Variants in ZMYM2 observed in about 807,000 individuals in gnomAD.
ZMYM2 encodes zinc finger MYM-type protein 2.
A neutral mutation model predicts 162.8 loss-of-function variants in ZMYM2; 56 were observed. The observed-to-expected ratio is 0.34, with a 90% CI of 0.28 to 0.43. ZMYM2 has a LOEUF of 0.43. ZMYM2 is among the 20% of genes least tolerant of loss of function. The pLI is 1.00. For synonymous variants in ZMYM2, 510 were observed against 541.6 expected (o/e 0.94, Z 0.81); for missense variants, 1,275 against 1,621.8 (o/e 0.79, Z 3.67).
At chr13:20,027,506 A>T (rs1224266443) in intron 9 of ZMYM2, among the ~76,000 whole-genome samples, 188 bp downstream of exon 9, 1 of 152,178 alleles carries the variant, frequency 6.6e-6, no homozygotes, top group Non-Finnish European at 1.5e-5. Context: ...GGATAGTCTA[A>T]TTGAGATTAT....
intron 6 of ZMYM2, among the ~76,000 whole-genome samples, chr13:20,010,429 C>G (rs1489946179): frequency 1.3e-5 from 2 of 152,086 alleles, no homozygotes; most frequent in Non-Finnish European, 2.9e-5. Context: ...TCTCGAACTC[C>G]TAAGCTCAAG....
intron 21 of ZMYM2, chr13:20,070,222 C>A: frequency 6.3e-6 from 1 of 158,414 alleles, no homozygotes. Context: ...TTATTGCTTC[C>A]ATTTGCTGCT....
chr13:19,972,471 T>G (rs1391535645), intron 2 of ZMYM2, among the ~76,000 whole-genome samples: 1 of 152,192 alleles, frequency 6.6e-6, no homozygotes. Context: ...TTGCAATTTT[T>G]TTTTTCACTT....
intron 8 of ZMYM2, 43 bp from the exon 9 acceptor site, chr13:20,027,160 A>G (rs1353687104): frequency 7.0e-7 from 1 of 1,424,006 alleles, no homozygotes; most frequent in East Asian, 2.6e-5. Context: ...AAACTTTTTT[A>G]TTACTTTATA....
At chr13:19,953,262 C>T in the ZMYM2 span, among the ~76,000 whole-genome samples, 17 of 152,204 alleles carry the variant, frequency 1.1e-4, no homozygotes, top group Non-Finnish European at 2.1e-4. Flanking sequence ...AACTTCACCT[C>T]TGCATACTTT....
At chr13:20,066,031 ACAGAATTTAAT>A (rs1056722359) in intron 19 of ZMYM2, among the ~76,000 whole-genome samples, 1 of 152,224 alleles carries the variant, frequency 6.6e-6, no homozygotes, top group African/African-American at 2.4e-5. Context: ...GACTCTCACC[ACAGAATTTAAT>A]ATGATTTTGT....
rs868581944 is a variant in ZMYM2 at position 20,014,802 on chromosome 13, A to G, written c.1513-4745A>G. 1.6e-3 allele frequency among the ~76,000 whole-genome samples: 180 copies of G among 111,064 alleles called. 1 individual carries two copies. The highest frequency in any genetic ancestry group is 9.1e-3 in the Middle Eastern group (1 of 110). 72.9% of individuals were successfully genotyped at this position (111,064 alleles called of 152,430 possible). ...TTTTTTGGGGACAAAGTCTCACTCT[A>G]TTGCCCAGGCTGGAACGCAGTGGCA... On this transcript the variant is annotated intron_variant, in intron 6 of 24. Transcript: ENST00000610343.
chr13:19,984,610 A>G (rs1003651897), intron 2 of ZMYM2, among the ~76,000 whole-genome samples: 6 of 152,332 alleles, frequency 3.9e-5, no homozygotes, highest in African/African-American at 1.2e-4. Flanking sequence ...TGGCGGCTAC[A>G]TGGAGTAGAT....
chr13:20,033,417 A>G (rs1197959401), intron 10 of ZMYM2, among the ~76,000 whole-genome samples: 1 of 151,968 alleles, frequency 6.6e-6, no homozygotes, highest in African/African-American at 2.4e-5. Context: ...CTTTCTCCTC[A>G]CTCCATGTGG....
At chr13:19,888,034 C>T in the ZMYM2 span, among the ~76,000 whole-genome samples, 10 of 151,488 alleles carry the variant, frequency 6.6e-5, no homozygotes, top group Admixed American at 4.6e-4. Context: ...GGTGTGCCAC[C>T]GTGCTTGGCT....
At chr13:20,083,193 G>T (rs1309384255) in intron 23 of ZMYM2, among the ~76,000 whole-genome samples, 161 bp downstream of exon 23, 1 of 152,142 alleles carries the variant, frequency 6.6e-6, no homozygotes, top group Non-Finnish European at 1.5e-5. Context: ...CTCCTGAGTG[G>T]CTGGGATTAC....
the ZMYM2 span, among the ~76,000 whole-genome samples, chr13:19,910,957 T>C: frequency 6.6e-6 from 1 of 151,740 alleles, no homozygotes; most frequent in Non-Finnish European, 1.5e-5. Flanking sequence ...ACTTGGTCTG[T>C]AGACGCAGAA....
chr13:20,049,114 C>G (rs973536979), intron 12 of ZMYM2, among the ~76,000 whole-genome samples: 4 of 151,818 alleles, frequency 2.6e-5, no homozygotes, highest in Non-Finnish European at 5.9e-5. Context: ...AACAAAAGTT[C>G]ACAACCTCCA....
chr13:20,034,263 C>T lies in ZMYM2; in HGVS notation c.1978C>T (p.His660Tyr). The T allele has an allele frequency of 6.3e-7, 1 of 1,590,536 alleles. No homozygotes were observed. Reference sequence around the variant, plus strand: ...CCCATTGTGCATTTAGAACAAAGTGCATCAGTTCTGCAGCAAAACTTGTTC... The same window carrying T: ...CCCATTGTGCATTTAGAACAAAGTGTATCAGTTCTGCAGCAAAACTTGTTC... ...PEILEWENKVHQFCSKTCSDD... is the reference protein window; with the variant it reads ...PEILEWENKVYQFCSKTCSDD... Residue 660 changes from histidine (H) to tyrosine (Y), a missense_variant, in exon 11 of 25, where the codon CAT becomes TAT. By Grantham distance (83) the His-to-Tyr change is moderately conservative. Coordinates refer to ENST00000610343, the MANE Select transcript of ZMYM2 (RefSeq NM_197968.4).
chr13:19,915,984 C>G, the ZMYM2 span, among the ~76,000 whole-genome samples: 1 of 151,810 alleles, frequency 6.6e-6, no homozygotes, highest in South Asian at 2.1e-4. Flanking sequence ...CTCAGCCTCC[C>G]GAGTAGCTGG....
At chr13:19,924,334 C>G in the ZMYM2 span, among the ~76,000 whole-genome samples, 1 of 152,104 alleles carries the variant, frequency 6.6e-6, no homozygotes, top group Non-Finnish European at 1.5e-5. Context: ...GGAGCTGAAG[C>G]AGGTGGATCG....
At chr13:20,017,355 CTG>C (rs1486479965) in intron 6 of ZMYM2, among the ~76,000 whole-genome samples, 1 of 152,218 alleles carries the variant, frequency 6.6e-6, no homozygotes, top group East Asian at 1.9e-4. Context: ...GCTATTTCAA[CTG>C]TATTTCACCT....
At chr13:19,942,490 T>C in the ZMYM2 span, among the ~76,000 whole-genome samples, 8 of 147,166 alleles carry the variant, frequency 5.4e-5, no homozygotes, top group African/African-American at 2.0e-4. Flanking sequence ...ATTGCTTGAG[T>C]ACAGGAGTTT....
chr13:20,065,712 G>C (rs1174626310), intron 19 of ZMYM2, among the ~76,000 whole-genome samples: 1 of 152,116 alleles, frequency 6.6e-6, no homozygotes, highest in Non-Finnish European at 1.5e-5. Context: ...GAGGATCGAG[G>C]CTGCAGTGAG....
Sources: gnomAD v4.1 joint callset for allele counts (sites outside exome capture counted in the v4.1 genomes callset) on GRCh38, gnomAD v4.1.1 for gene constraint, MANE v1.5 for transcripts, NCBI Gene and HGNC (gene_info 2026-07-23, HGNC 2026-07-21) for gene names.